Variants in RORB observed in about 807,000 individuals in gnomAD.
RORB encodes the protein nuclear receptor ROR-beta.
Under a neutral mutation model 59.1 loss-of-function variants are expected in RORB, and 6 were observed. The observed-to-expected ratio is 0.10, with a 90% CI of 0.06 to 0.20. RORB has a LOEUF of 0.20. RORB is among the 10% of genes least tolerant of loss of function. The pLI, the probability that RORB is intolerant of heterozygous loss-of-function variation, is 1.00. For missense variants in RORB, 320 were observed against 560.5 expected (o/e 0.57, Z 4.33); for synonymous variants, 215 against 204.5 (o/e 1.05, Z -0.44).
intron 1 of RORB, among the ~76,000 whole-genome samples, chr9:74,605,695 C>T (rs1823138123): frequency 6.6e-6 from 1 of 152,162 alleles, no homozygotes; most frequent in Non-Finnish European, 1.5e-5. Context: ...GTACGTCTTT[C>T]TTGAAATGCT....
chr9:74,515,983 A>G (rs946933467), intron 1 of RORB, among the ~76,000 whole-genome samples: 2 of 152,100 alleles, frequency 1.3e-5, no homozygotes, highest in African/African-American at 4.8e-5. Context: ...GAAACAAAGC[A>G]TAAGAGAGAG....
rs1759786754 is a variant in RORB, at chr9:74,688,552, T to G, written c.*2934T>G. On this transcript the variant is annotated 3_prime_UTR_variant, in exon 10 of 10. Coordinates refer to ENST00000376896, the MANE Select transcript of RORB (RefSeq NM_006914.4). ...AATGACAATCACTGCTTGATGCAGA[T>G]GTTGCACTGTATCCACTCAGGGATG... The G allele has an allele frequency of 6.6e-6, 1 of 151,542 alleles. No individual in the cohort carries two copies. Among genetic ancestry groups the G allele is most frequent in the South Asian group, 2.1e-4 (1 of 4,796 alleles). The allele number at this position is 151,542 out of a possible 1,614,324, so 9.4% of individuals were successfully genotyped here.
chr9:74,542,276 A>G (rs1826420247), intron 1 of RORB, among the ~76,000 whole-genome samples: 1 of 152,226 alleles, frequency 6.6e-6, no homozygotes, highest in Non-Finnish European at 1.5e-5. Context: ...GCTTCCTGTG[A>G]TTCAAGAAAT....
chr9:74,525,253 T>C (rs747023464), intron 1 of RORB, among the ~76,000 whole-genome samples: 58 of 151,836 alleles, frequency 3.8e-4, no homozygotes, highest in Non-Finnish European at 7.2e-4. Flanking sequence ...GTAAGAAAAA[T>C]ATAGAGGTTA....
chr9:74,678,653 G>A lies in RORB; in HGVS notation c.1224+6752G>A, dbSNP rs191928227. ...AGATGGAGTCTATGGACCAAACACTGATTGAGAGATCAAAGGAAACTACAA... is the reference window on the plus strand; with the variant it reads ...AGATGGAGTCTATGGACCAAACACTAATTGAGAGATCAAAGGAAACTACAA... On this transcript the variant is annotated intron_variant, in intron 9 of 9. Coordinates refer to ENST00000376896, the MANE Select transcript of RORB (RefSeq NM_006914.4). Among the ~76,000 whole-genome samples, 108 of 152,256 alleles carry A rather than the reference G, an allele frequency of 7.1e-4. 1 individual carries two copies. The South Asian group carries it at 9.8e-3, about 14-fold the overall frequency.
In RORB at chr9:74,497,792, C is replaced by T; in HGVS notation, c.-185C>T. 1 of 618,458 alleles carries T rather than the reference C, an allele frequency of 1.6e-6. No homozygotes were observed. The highest frequency in any genetic ancestry group is 2.9e-6 in the Non-Finnish European group (1 of 344,422). 38.3% of individuals were successfully genotyped at this position (618,458 alleles called of 1,614,324 possible). On this transcript the variant is annotated 5_prime_UTR_variant, in exon 1 of 10. Coordinates refer to ENST00000376896, the MANE Select transcript of RORB (RefSeq NM_006914.4). ...TCACCACCAACATCAAAACTGTTAA[C>T]ATAGCGGCGGCGGCGGCAAACGTCA...
chr9:74,685,426 C>T (rs1321749819), intron 9 of RORB, 37 bp from the exon 10 acceptor site: 1 of 1,551,412 alleles, frequency 6.4e-7, no homozygotes, highest in South Asian at 1.2e-5. Flanking sequence ...TAATGAGCTT[C>T]CCTCTCTATC....
In RORB at chr9:74,622,895, C is replaced by A. The variant is rs547561964; in HGVS notation, c.8-7387C>A. The stretch of plus-strand genomic sequence containing the variant: ...TGTCTATCAGGCACCCAGGGAAGGC[C>A]AATGCTACTGGTCAGGGACCACACT... On this transcript the variant is annotated intron_variant, in intron 1 of 9. Transcript: ENST00000376896. Among the ~76,000 whole-genome samples, 6 of 152,186 alleles carry A rather than the reference C, an allele frequency of 3.9e-5. No individual in the cohort carries two copies. In the South Asian group the frequency reaches 1.2e-3, roughly 32 times the overall value.
intron 1 of RORB, among the ~76,000 whole-genome samples, chr9:74,524,672 C>T (rs973386685): frequency 2.0e-5 from 3 of 151,620 alleles, no homozygotes; most frequent in Non-Finnish European, 4.4e-5. Flanking sequence ...TGATTCTTTC[C>T]TTGTCGGGTA....
At chr9:74,584,153 T>A (rs1822764353) in intron 1 of RORB, among the ~76,000 whole-genome samples, 1 of 152,230 alleles carries the variant, frequency 6.6e-6, no homozygotes, top group South Asian at 2.1e-4. Flanking sequence ...ACTGGTAGGC[T>A]CAGTGCAGCA....
intron 1 of RORB, among the ~76,000 whole-genome samples, chr9:74,602,494 CA>C (rs1478468509): frequency 6.6e-6 from 1 of 152,178 alleles, no homozygotes; most frequent in Admixed American, 6.5e-5. Flanking sequence ...ATGTTTAATG[CA>C]GTGTTTGATT....
intron 1 of RORB, among the ~76,000 whole-genome samples, chr9:74,502,680 G>T (rs1394302340): frequency 6.6e-6 from 1 of 152,032 alleles, no homozygotes; most frequent in African/African-American, 2.4e-5. Flanking sequence ...CTGCAAATTT[G>T]TATATAAAGT....
Position 74,692,321 on chromosome 9 carries a change from A to G in RORB, c.*6703A>G, listed in dbSNP as rs912909238. On this transcript the variant is annotated 3_prime_UTR_variant, in exon 10 of 10. Coordinates refer to ENST00000376896, the MANE Select transcript of RORB (RefSeq NM_006914.4). ...GCTAGTATTTTATGATGATCGATTTATAATGATAAAAAGATATTTAGATTT... is the reference window on the plus strand; with the variant it reads ...GCTAGTATTTTATGATGATCGATTTGTAATGATAAAAAGATATTTAGATTT... 3 of 152,246 alleles carry G rather than the reference A, an allele frequency of 2.0e-5. No homozygotes were observed. The highest frequency in any genetic ancestry group is 4.8e-5 in the African/African-American group (2 of 41,472). The allele number at this position is 152,246 out of a possible 1,614,324, so 9.4% of individuals were successfully genotyped here. A position where few individuals can be genotyped will look rare whatever the true frequency, so the allele number is the denominator to read the frequency against.
At chr9:74,672,774 C>T (rs1249590038) in intron 9 of RORB, among the ~76,000 whole-genome samples, 1 of 152,124 alleles carries the variant, frequency 6.6e-6, no homozygotes, top group Non-Finnish European at 1.5e-5. Context: ...TCTTTGATTT[C>T]TTAAGAACCA....
At chr9:74,527,767 C>T (rs901934566) in intron 1 of RORB, among the ~76,000 whole-genome samples, 27 of 151,970 alleles carry the variant, frequency 1.8e-4, no homozygotes, top group African/African-American at 5.8e-4. Context: ...GGAGTTGTCC[C>T]TTCAAATCTG....
At position 74,685,685 on chromosome 9, in the gene RORB, T is replaced by G. The variant is rs997725238; in HGVS notation, c.*67T>G. The stretch of plus-strand genomic sequence containing the variant: ...CATTAAGACAAAAGCAATGTGTTCA[T>G]GAAGACTTAAGAAAAATGTCACTAC... On this transcript the variant is annotated 3_prime_UTR_variant, in exon 10 of 10. Coordinates refer to ENST00000376896, the MANE Select transcript of RORB (RefSeq NM_006914.4). 8 of 1,301,502 alleles carry G rather than the reference T, an allele frequency of 6.1e-6. No individual in the cohort carries two copies. In the African/African-American group the frequency reaches 1.2e-4, roughly 19 times the overall value. The allele number at this position is 1,301,502 out of a possible 1,614,324, so 80.6% of individuals were successfully genotyped here. A position where few individuals can be genotyped will look rare whatever the true frequency, so the allele number is the denominator to read the frequency against.
intron 1 of RORB, among the ~76,000 whole-genome samples, chr9:74,588,784 C>T (rs1223949151): frequency 6.6e-6 from 1 of 152,102 alleles, no homozygotes; most frequent in Non-Finnish European, 1.5e-5. Context: ...CATGTATTAC[C>T]TTTTTGTATG....
chr9:74,532,487 A>G (rs571482941), intron 1 of RORB, among the ~76,000 whole-genome samples: 30 of 152,048 alleles, frequency 2.0e-4, no homozygotes, highest in African/African-American at 6.0e-4. Context: ...GTTCAGCTAT[A>G]CATCATACTC....
chr9:74,632,661 G>A (rs1403290019), intron 2 of RORB, among the ~76,000 whole-genome samples: 4 of 152,098 alleles, frequency 2.6e-5, no homozygotes, highest in Non-Finnish European at 5.9e-5. Context: ...TTAAATTAGG[G>A]CTGTAGCTGT....
Sources: gnomAD v4.1 joint callset for allele counts (sites outside exome capture counted in the v4.1 genomes callset) on GRCh38, gnomAD v4.1.1 for gene constraint, MANE v1.5 for transcripts, NCBI Gene and HGNC (gene_info 2026-07-23, HGNC 2026-07-21) for gene names.